The following MRPL24 variants were observed in gnomAD, a reference collection of about 807,000 sequenced individuals.
The protein encoded by MRPL24 is mitochondrial ribosomal protein L24.
Under a neutral mutation model 26.9 loss-of-function variants are expected in MRPL24, and 15 were observed. The ratio of observed to expected loss-of-function variants is 0.56; its 90% CI spans 0.37 to 0.86. The LOEUF is 0.86. Among genes scored for constraint, MRPL24 ranks in the 40% least tolerant of loss-of-function variants. MRPL24 has a pLI of 0.00. For missense variants in MRPL24, 241 were observed against 281.4 expected, an observed-to-expected ratio of 0.86 and a Z score of 1.03; for synonymous variants, 92 against 102.4, an observed-to-expected ratio of 0.90 and a Z score of 0.62.
chr1:156,740,026 G>A (rs1650024440), intron 1 of MRPL24, among the ~76,000 whole-genome samples: 3 of 152,120 alleles, frequency 2.0e-5, no homozygotes, highest in Admixed American at 1.3e-4. Flanking sequence ...GGTTGTGGGT[G>A]TCATTTAAAT....
At position 156,738,441 on chromosome 1, in the gene MRPL24, G is replaced by A. The variant is rs1035178311; in HGVS notation, c.184-3C>T. The stretch of plus-strand genomic sequence containing the variant: ...TCCTTGCCTTCTAGGATCTCCACCT[G>A]TGGGAAGATACGAAGGTTAGGGAGG... On this transcript the variant is annotated splice_region_variant and splice_polypyrimidine_tract_variant and intron_variant, in intron 2 of 5. Transcript: ENST00000361531. 1.9e-6 allele frequency: 3 copies of A among 1,613,900 alleles called. No individual in the cohort carries two copies.
rs1377227642 is a variant in MRPL24, at chr1:156,737,648, A to G, written c.512T>C (p.Ile171Thr). ...RADGIVPETW[I>T]DGPKDTSVED... ...ACCTTCCTGCCCCTCACTCTCACCA[A>G]TCCACGTTTCAGGGACGATGCCATC... is the stretch of plus-strand genomic sequence containing the variant. Residue 171 changes from isoleucine to threonine, a missense_variant and splice_region_variant, in exon 5 of 6, where the codon ATT becomes ACT. Transcript: ENST00000361531. The G allele has an allele frequency of 4.3e-6, 7 of 1,613,824 alleles. No individual in the cohort carries two copies. The highest frequency in any genetic ancestry group is 2.2e-5 in the East Asian group (1 of 44,890).
At position 156,737,548 on chromosome 1, in the gene MRPL24, G is replaced by C; in HGVS notation, c.515-14C>G. ...CTTTGGGGCCATCTGTTAAGCCAGA[G>C]GAAACTTAGATGGGTGGGAGGGCTT... On this transcript the variant is annotated splice_polypyrimidine_tract_variant and intron_variant, in intron 5 of 5. Transcript: ENST00000361531. 1 of 1,604,338 alleles carries C rather than the reference G, an allele frequency of 6.2e-7. No homozygotes were observed. Among genetic ancestry groups the C allele is most frequent in the Non-Finnish European group, 8.5e-7 (1 of 1,174,842 alleles).
chr1:156,737,734 C>G lies in MRPL24; in HGVS notation c.426G>C (p.Glu142Asp). Reference protein sequence around the residue: ...EIEWRFTEAGERVRVSTRSGR... With the variant: ...EIEWRFTEAGDRVRVSTRSGR... Reference sequence around the variant, plus strand: ...CTGATCGTGTGGAGACTCGTACCCGCTCTCCTGCTTCAGTAAATCTCCACT... The same window carrying G: ...CTGATCGTGTGGAGACTCGTACCCGGTCTCCTGCTTCAGTAAATCTCCACT... The change falls in exon 5 of 6, where the codon GAG (glutamate) becomes GAC (aspartate). Residue 142 changes from glutamate (E) to aspartate (D), a missense_variant. Transcript: ENST00000361531. 1 of 1,614,208 alleles carries G rather than the reference C, an allele frequency of 6.2e-7. No homozygotes were observed. The highest frequency in any genetic ancestry group is 8.5e-7 in the Non-Finnish European group (1 of 1,180,040).
chr1:156,741,364 G>C (rs1650101356), upstream of MRPL24: 1 of 152,190 alleles, frequency 6.6e-6, no homozygotes, highest in Non-Finnish European at 1.5e-5. Flanking sequence ...GCTGGGAATT[G>C]TAGTTTCTAG....
rs1650083032 is a variant in MRPL24 at position 156,741,023 on chromosome 1, A to C, written c.-72T>G. On this transcript the variant is annotated 5_prime_UTR_variant, in exon 1 of 6. Coordinates refer to ENST00000361531, the MANE Select transcript of MRPL24 (RefSeq NM_145729.3). ...GGCTCTTCCCGCACCTGCCTCTCGG[A>C]CGGGCACCTCTAGGGCGGGCGGCCC... 1 of 152,212 alleles carries C rather than the reference A, an allele frequency of 6.6e-6. No homozygotes were observed. Among genetic ancestry groups the C allele is most frequent in the African/African-American group, 2.4e-5 (1 of 41,434 alleles). The allele number at this position is 152,212 out of a possible 1,614,324, so 9.4% of individuals were successfully genotyped here.
chr1:156,740,545 G>A (rs565661770), intron 1 of MRPL24: 2 of 152,258 alleles, frequency 1.3e-5, no homozygotes, highest in African/African-American at 4.8e-5. Context: ...GCATCGTAAA[G>A]TCCCTTTTAC....
chr1:156,737,979 C>T, intron 4 of MRPL24, 52 bp downstream of exon 4: 1 of 1,569,654 alleles, frequency 6.4e-7, no homozygotes, highest in Non-Finnish European at 8.8e-7. Flanking sequence ...TTGGACAGCA[C>T]TTTTTGGACC....
intron 1 of MRPL24, among the ~76,000 whole-genome samples, chr1:156,739,398 A>G (rs1204607460): frequency 6.6e-6 from 1 of 152,184 alleles, no homozygotes; most frequent in Non-Finnish European, 1.5e-5. Context: ...GAAGGCATAA[A>G]TGGTAAGTGC....
Position 156,738,433 on chromosome 1 carries a change from C to T in MRPL24, c.189G>A (p.Glu63=), listed in dbSNP as rs1278831396. ...DWYLFCGDTV[E]ILEGKDAGKQ... is the part of the protein sequence containing the mutation. ...TCCCGGCATCCTTGCCTTCTAGGAT[C>T]TCCACCTGTGGGAAGATACGAAGGT... Residue 63 remains glutamate (E), a synonymous_variant, in exon 3 of 6, where the codon GAG becomes GAA. Transcript: ENST00000361531. The T allele has an allele frequency of 8.1e-6, 13 of 1,613,824 alleles. No homozygotes were observed. Among genetic ancestry groups the T allele is most frequent in the Non-Finnish European group, 1.1e-5 (13 of 1,179,896 alleles).
In MRPL24 at chr1:156,738,599, G is replaced by A. The variant is rs767432743; in HGVS notation, c.106C>T (p.Pro36Ser). 1.9e-5 allele frequency: 31 copies of A among 1,613,470 alleles called. 3 individuals are homozygous for A. In the Admixed American group the frequency reaches 2.3e-4, roughly 12 times the overall value. ...ACTGGGCGCCGCCTGATCCATGGGG[G>A]GTTCTTCCTCTTGTCTGCAACAGAG... ...PGSVADKRKNPPWIRRRPVVV... is the reference protein window; with the variant it reads ...PGSVADKRKNSPWIRRRPVVV... The change falls in exon 2 of 6, where the codon CCC becomes TCC. Residue 36 changes from proline to serine, a missense_variant. Transcript: ENST00000361531.
At chr1:156,738,156 CAGAA>C in intron 3 of MRPL24, 22 bp from the exon 4 acceptor site, 2 of 1,612,014 alleles carry the variant, frequency 1.2e-6, no homozygotes, top group South Asian at 1.1e-5. Flanking sequence ...AGGGGAGTGT[CAGAA>C]AGCACGGGGT....
Position 156,739,134 on chromosome 1 carries a change from G to C in MRPL24, c.-60-370C>G, listed in dbSNP as rs146251709. On this transcript the variant is annotated intron_variant, in intron 1 of 5. Coordinates refer to ENST00000361531, the MANE Select transcript of MRPL24 (RefSeq NM_145729.3). ...ACAGAGGATGGAACGCTGGCATACG[G>C]CCAAAAGGTAGGCAGTTGTAAATCA... Among the ~76,000 whole-genome samples the C allele has an allele frequency of 2.0e-4, 30 of 152,284 alleles. No individual in the cohort carries two copies. The East Asian group carries it at 4.0e-3, about 21-fold the overall frequency.
At chr1:156,742,043 T>C (rs138025696), upstream of MRPL24, 1 of 152,734 alleles carries the variant, frequency 6.5e-6, no homozygotes, top group East Asian at 1.9e-4. Flanking sequence ...TCATTTGCAT[T>C]CCATTACCCC....
rs1237039456 is a variant in MRPL24, at chr1:156,740,996, T to C, written c.-61+16A>G. ...ACTGAGCCATGGCCAGGGAAAAGGATAGGCTCTTCCCGCACCTGCCTCTCG... is the reference window on the plus strand; with the variant it reads ...ACTGAGCCATGGCCAGGGAAAAGGACAGGCTCTTCCCGCACCTGCCTCTCG... On this transcript the variant is annotated intron_variant, in intron 1 of 5. Coordinates refer to ENST00000361531, the MANE Select transcript of MRPL24 (RefSeq NM_145729.3). 2.0e-5 allele frequency: 3 copies of C among 152,218 alleles called. No individual in the cohort carries two copies. Among genetic ancestry groups the C allele is most frequent in the Non-Finnish European group, 4.4e-5 (3 of 68,082 alleles). 9.4% of individuals were successfully genotyped at this position (152,218 alleles called of 1,614,324 possible).
chr1:156,737,632 C>T lies in MRPL24; in HGVS notation c.514+14G>A, dbSNP rs765295018. ...CTAGCACCCACCCCTGACCTTCCTG[C>T]CCCTCACTCTCACCAATCCACGTTT... is the stretch of plus-strand genomic sequence containing the variant. On this transcript the variant is annotated intron_variant, in intron 5 of 5. Coordinates refer to ENST00000361531, the MANE Select transcript of MRPL24 (RefSeq NM_145729.3). The T allele has an allele frequency of 4.3e-6, 7 of 1,613,870 alleles. No homozygotes were observed. In the Admixed American group the frequency reaches 6.7e-5, roughly 15 times the overall value.
At chr1:156,740,555 C>T (rs958574079) in intron 1 of MRPL24, 4 of 152,166 alleles carry the variant, frequency 2.6e-5, no homozygotes, top group African/African-American at 9.7e-5. Context: ...GTCCCTTTTA[C>T]AGACAAGGAA....
intron 4 of MRPL24, 48 bp downstream of exon 4, chr1:156,737,983 T>G (rs6670122): frequency 0.99 from 1,564,998 of 1,573,978 alleles, 778,445 homozygotes; most frequent in East Asian, 1. Flanking sequence ...ACAGCACTTT[T>G]TGGACCCAGA....
chr1:156,737,677 T>C lies in MRPL24; in HGVS notation c.483A>G (p.Arg161=), dbSNP rs1571528040. Residue 161 remains arginine (R), a synonymous_variant, in exon 5 of 6, where the codon AGA becomes AGG. Transcript: ENST00000361531. ...ACGTTTCAGGGACGATGCCATCAGC[T>C]CTGGGAAATTCGGGTTTAGGGATAA... ...GRIIPKPEFP[R]ADGIVPETWI... is the part of the protein sequence containing the mutation. 1 of 1,614,072 alleles carries C rather than the reference T, an allele frequency of 6.2e-7. No homozygotes were observed. Among genetic ancestry groups the C allele is most frequent in the Non-Finnish European group, 8.5e-7 (1 of 1,180,016 alleles).
Sources: allele counts gnomAD v4.1 joint callset (sites outside exome capture counted in the v4.1 genomes callset), GRCh38; gene constraint gnomAD v4.1.1; transcripts MANE v1.5; gene names NCBI Gene and HGNC (gene_info 2026-07-23, HGNC 2026-07-21).